Variants in BRAF observed in about 807,000 individuals in gnomAD.
The protein encoded by BRAF is B-Raf proto-oncogene, serine/threonine kinase.
In BRAF, 16 loss-of-function variants were observed where a neutral mutation model predicts 104.6. The observed-to-expected ratio is 0.15, with a 90% confidence interval of 0.10 to 0.23. BRAF has a LOEUF of 0.23. Among genes scored for constraint, BRAF ranks in the 10% least tolerant of loss-of-function variants. The pLI, the probability that BRAF is intolerant of heterozygous loss-of-function variation, is 1.00. For missense variants in BRAF, 541 were observed against 937.3 expected (o/e 0.58, Z 5.52); for synonymous variants, 310 against 341.6 (o/e 0.91, Z 1.02).
At chr7:140,845,896 G>C (rs1415791252) in intron 2 of BRAF, among the ~76,000 whole-genome samples, 2 of 152,084 alleles carry the variant, frequency 1.3e-5, no homozygotes, top group Non-Finnish European at 2.9e-5. Context: ...AGTCAGGCTG[G>C]TCTCAAACTC....
intron 3 of BRAF, among the ~76,000 whole-genome samples, chr7:140,811,531 C>T (rs975625979): frequency 7.2e-5 from 11 of 152,128 alleles, no homozygotes; most frequent in Admixed American, 2.0e-4. Context: ...CTCCAAAGGG[C>T]AACAGCAGCT....
At chr7:140,735,300 T>G (rs1386654808) in intron 18 of BRAF, among the ~76,000 whole-genome samples, 2 of 152,196 alleles carry the variant, frequency 1.3e-5, no homozygotes, top group East Asian at 3.9e-4. Context: ...TAGTAGCACA[T>G]GAGAAGTGAC....
At chr7:140,914,857 G>C (rs1817405615) in intron 1 of BRAF, among the ~76,000 whole-genome samples, 1 of 150,498 alleles carries the variant, frequency 6.6e-6, no homozygotes, top group Non-Finnish European at 1.5e-5. Flanking sequence ...AGCTAACATG[G>C]TGAAATCCCA....
intron 14 of BRAF, among the ~76,000 whole-genome samples, chr7:140,755,938 T>C (rs891893780): frequency 6.6e-6 from 1 of 151,702 alleles, no homozygotes. Context: ...CAAAAACAAA[T>C]GGGCTTCAAC....
chr7:140,874,327 G>A (rs773621180), intron 1 of BRAF, among the ~76,000 whole-genome samples: 49 of 150,458 alleles, frequency 3.3e-4, no homozygotes, highest in African/African-American at 4.7e-4. Context: ...TCAGCCTCCC[G>A]GGTAGCTGGG....
rs79022428 is a variant in BRAF, at chr7:140,897,814, A to T, written c.138+26752T>A. ...CGCGCCCAGCCAGGAAAGATTTCTT[A>T]AAAAAATCAAAATCAAAATCAAAAT... On this transcript the variant is annotated intron_variant, in intron 1 of 19. Coordinates refer to ENST00000644969, the MANE Select transcript of BRAF (RefSeq NM_001374258.1). Among the ~76,000 whole-genome samples the T allele has an allele frequency of 6.3e-3, 953 of 152,144 alleles. 8 individuals are homozygous for T. Among genetic ancestry groups the T allele is most frequent in the African/African-American group, 0.022 (897 of 41,504 alleles).
At chr7:140,866,350 G>C (rs1010155585) in intron 1 of BRAF, among the ~76,000 whole-genome samples, 10 of 152,110 alleles carry the variant, frequency 6.6e-5, no homozygotes, top group Admixed American at 6.6e-4. Flanking sequence ...CACCATTCCA[G>C]AGCACCACAT....
intron 7 of BRAF, among the ~76,000 whole-genome samples, chr7:140,795,273 G>A (rs1264720625): frequency 1.3e-5 from 2 of 152,142 alleles, no homozygotes. Flanking sequence ...GAACACTAAA[G>A]TTTTGAGACT....
At chr7:140,776,279 C>T (rs886093660) in intron 14 of BRAF, among the ~76,000 whole-genome samples, 1 of 152,150 alleles carries the variant, frequency 6.6e-6, no homozygotes, top group Non-Finnish European at 1.5e-5. Context: ...TTATAATTTT[C>T]ACCTAAGTGC....
chr7:140,745,758 A>C (rs1412237087), intron 17 of BRAF, among the ~76,000 whole-genome samples: 1 of 152,182 alleles, frequency 6.6e-6, no homozygotes, highest in African/African-American at 2.4e-5. Flanking sequence ...ATCCTTCTAT[A>C]TTCCATAGTG....
chr7:140,860,638 A>T (rs769388498), intron 1 of BRAF, among the ~76,000 whole-genome samples: 11 of 152,176 alleles, frequency 7.2e-5, no homozygotes, highest in Non-Finnish European at 1.6e-4. Flanking sequence ...GCAACAGAGC[A>T]AGACCTTGTC....
chr7:140,828,500 T>C (rs965214307), intron 3 of BRAF, among the ~76,000 whole-genome samples: 3 of 152,334 alleles, frequency 2.0e-5, no homozygotes. Context: ...CTAGACCTAC[T>C]AGAATATTGC....
In BRAF at chr7:140,834,866, C is replaced by T. The variant is rs753354016; in HGVS notation, c.247G>A (p.Glu83Lys). 1 of 1,613,928 alleles carries T rather than the reference C, an allele frequency of 6.2e-7. No homozygotes were observed. The highest frequency in any genetic ancestry group is 1.3e-5 in the African/African-American group (1 of 74,926). Residue 83 changes from glutamate to lysine, a missense_variant, in exon 3 of 20, where the codon GAA becomes AAA. Transcript: ENST00000644969. ...NPPSIYLEAY[E>K]EYTSKLDALQ... ...GCATCTAGCTTGCTGGTGTATTCTTCATAGGCCTATAAAATAAAGCAGACT... is the reference window on the plus strand; with the variant it reads ...GCATCTAGCTTGCTGGTGTATTCTTTATAGGCCTATAAAATAAAGCAGACT...
At chr7:140,809,141 C>A in intron 3 of BRAF, 146 bp from the exon 4 acceptor site, 1 of 640,096 alleles carries the variant, frequency 1.6e-6, no homozygotes, top group Non-Finnish European at 2.8e-6. Flanking sequence ...TAACTTAATA[C>A]TAAAGGGAAA....
intron 17 of BRAF, 46 bp from the exon 17 acceptor site, chr7:140,739,992 T>C (rs201618982): frequency 6.3e-7 from 1 of 1,576,032 alleles, no homozygotes; most frequent in African/African-American, 1.3e-5. Flanking sequence ...TGTAGATAAG[T>C]TGAAAAATAT....
rs898070729 is a variant in BRAF, at chr7:140,720,953, G to A, written c.*5541C>T. The A allele has an allele frequency of 6.6e-6, 7 of 1,065,120 alleles. No individual in the cohort carries two copies. Among genetic ancestry groups the A allele is most frequent in the East Asian group, 5.0e-5 (1 of 20,026 alleles). The allele number at this position is 1,065,120 out of a possible 1,614,324, so 66.0% of individuals were successfully genotyped here. ...GCTGTACATGAGAACCAGCGGTCACGGTGCTGGAGAATGAACTCGGCTGGC... is the reference window on the plus strand; with the variant it reads ...GCTGTACATGAGAACCAGCGGTCACAGTGCTGGAGAATGAACTCGGCTGGC... On this transcript the variant is annotated 3_prime_UTR_variant, in exon 20 of 20. Coordinates refer to ENST00000644969, the MANE Select transcript of BRAF (RefSeq NM_001374258.1).
intron 3 of BRAF, among the ~76,000 whole-genome samples, chr7:140,815,216 C>T (rs975681270): frequency 6.6e-6 from 1 of 151,482 alleles, no homozygotes; most frequent in African/African-American, 2.4e-5. Flanking sequence ...CAGCTCACTG[C>T]AAGCTCCACC....
intron 2 of BRAF, chr7:140,835,204 G>C: frequency 3.8e-6 from 1 of 264,602 alleles, no homozygotes; most frequent in Non-Finnish European, 7.3e-6. Flanking sequence ...TCTAACGTAA[G>C]ATAAAACACT....
chr7:140,788,788 C>T (rs190861563), intron 8 of BRAF, among the ~76,000 whole-genome samples: 43 of 152,044 alleles, frequency 2.8e-4, no homozygotes, highest in Non-Finnish European at 4.6e-4. Flanking sequence ...GGGGTTTCAC[C>T]ATGTTGGCCA....
Sources: gnomAD v4.1 joint callset for allele counts (sites outside exome capture counted in the v4.1 genomes callset) on GRCh38, gnomAD v4.1.1 for gene constraint, MANE v1.5 for transcripts, NCBI Gene and HGNC (gene_info 2026-07-23, HGNC 2026-07-21) for gene names.